The following ABCC9 variants were observed in gnomAD, a reference collection of about 807,000 sequenced individuals.
ABCC9 encodes the protein ATP binding cassette subfamily C member 9, also known as ATP-binding cassette sub-family C member 9.
Under a neutral mutation model 188.3 loss-of-function variants are expected in ABCC9, and 95 were observed. The ratio of observed to expected loss-of-function variants is 0.50; its 90% confidence interval spans 0.43 to 0.60. The LOEUF (loss-of-function observed/expected upper bound fraction) is 0.60. ABCC9 is among the 20% of genes least tolerant of loss of function. The pLI is 0.00. For synonymous variants in ABCC9, 659 were observed against 652.7 expected, an observed-to-expected ratio of 1.01 and a Z score of -0.15; for missense variants, 1,102 against 1,876.3, an observed-to-expected ratio of 0.59 and a Z score of 7.62.
intron 31 of ABCC9, among the ~76,000 whole-genome samples, chr12:21,824,829 G>A (rs1302641123): frequency 6.6e-6 from 1 of 152,162 alleles, no homozygotes; most frequent in African/African-American, 2.4e-5. Context: ...TGTGGGATTA[G>A]TGGTGATATC....
At chr12:21,823,438 T>C (rs1333042227) in intron 31 of ABCC9, among the ~76,000 whole-genome samples, 1 of 152,188 alleles carries the variant, frequency 6.6e-6, no homozygotes, top group Non-Finnish European at 1.5e-5. Flanking sequence ...AAGAATATAT[T>C]AGGGCCTTCA....
intron 12 of ABCC9, among the ~76,000 whole-genome samples, chr12:21,903,799 G>T (rs1947890965): frequency 1.3e-5 from 2 of 152,132 alleles, no homozygotes; most frequent in Non-Finnish European, 1.5e-5. Flanking sequence ...ACAAATGGAA[G>T]AACATTCCAT....
intron 22 of ABCC9, among the ~76,000 whole-genome samples, chr12:21,855,386 A>AT (rs1218226259): frequency 6.6e-6 from 1 of 151,822 alleles, no homozygotes; most frequent in East Asian, 1.9e-4. Context: ...CGCCCCGCTA[A>AT]TTTTTTTGTA....
chr12:21,891,670 T>C (rs1405623083), intron 14 of ABCC9, among the ~76,000 whole-genome samples: 1 of 152,214 alleles, frequency 6.6e-6, no homozygotes, highest in Non-Finnish European at 1.5e-5. Flanking sequence ...GTCTCTTACA[T>C]GCATGTATAG....
intron 2 of ABCC9, among the ~76,000 whole-genome samples, chr12:21,940,090 A>G (rs763019670): frequency 1.3e-5 from 2 of 152,238 alleles, no homozygotes; most frequent in Non-Finnish European, 2.9e-5. Context: ...TATTGTGGCC[A>G]GCCCTGTCCT....
At chr12:21,915,957 T>A in intron 6 of ABCC9, 47 bp from the exon 7 acceptor site, 4 of 1,566,640 alleles carry the variant, frequency 2.6e-6, no homozygotes, top group Non-Finnish European at 3.5e-6. Flanking sequence ...CCAATTATTT[T>A]CCACATATTA....
At chr12:21,806,090 C>G (rs538318117) in intron 38 of ABCC9, 30 bp from the exon 39 acceptor site, 1 of 1,589,864 alleles carries the variant, frequency 6.3e-7, no homozygotes, top group South Asian at 1.1e-5. Flanking sequence ...TAAATTTTCT[C>G]GGGATTACTT....
chr12:21,936,039 C>T (rs1008908816), intron 3 of ABCC9, among the ~76,000 whole-genome samples: 1 of 152,104 alleles, frequency 6.6e-6, no homozygotes, highest in African/African-American at 2.4e-5. Flanking sequence ...TCCAGTTCCC[C>T]AGACATGTCA....
intron 32 of ABCC9, among the ~76,000 whole-genome samples, chr12:21,817,584 T>C (rs369341522): frequency 1.3e-5 from 2 of 152,296 alleles, no homozygotes; most frequent in East Asian, 3.9e-4. Context: ...TGTTTGCACT[T>C]ATCTCATGTA....
intron 30 of ABCC9, among the ~76,000 whole-genome samples, chr12:21,834,298 T>G (rs1181571515): frequency 2.0e-5 from 3 of 152,198 alleles, no homozygotes; most frequent in Non-Finnish European, 4.4e-5. Flanking sequence ...TTCCTCTCCC[T>G]TAGTAGGAAG....
intron 22 of ABCC9, among the ~76,000 whole-genome samples, chr12:21,856,851 A>T (rs903076388): frequency 6.6e-6 from 1 of 152,188 alleles, no homozygotes; most frequent in South Asian, 2.1e-4. Context: ...AGAAAATACC[A>T]GAGAATCTTT....
At chr12:21,821,893 C>G (rs1419306099) in intron 31 of ABCC9, among the ~76,000 whole-genome samples, 1 of 152,012 alleles carries the variant, frequency 6.6e-6, no homozygotes, top group East Asian at 1.9e-4. Context: ...ATTTTCTGGG[C>G]CCCTTTCACG....
At chr12:21,846,628 A>T (rs1944686149) in intron 25 of ABCC9, among the ~76,000 whole-genome samples, 1 of 152,144 alleles carries the variant, frequency 6.6e-6, no homozygotes. Context: ...GAGAAGACTG[A>T]GCATCACCAA....
intron 16 of ABCC9, among the ~76,000 whole-genome samples, chr12:21,876,724 A>G (rs1175213010): frequency 6.6e-6 from 1 of 152,244 alleles, no homozygotes; most frequent in African/African-American, 2.4e-5. Flanking sequence ...AAAGGCTCCT[A>G]AAAATCAGGA....
rs1192635069 is a variant in ABCC9 at position 21,882,488 on chromosome 12, A to G, written c.2019+278T>C. 3.9e-5 allele frequency among the ~76,000 whole-genome samples: 6 copies of G among 152,222 alleles called. No homozygotes were observed. In the East Asian group the frequency reaches 9.6e-4, roughly 24 times the overall value. On this transcript the variant is annotated intron_variant, in intron 16 of 39. Transcript: ENST00000261200. ...TTATTTGGTTGATAAACATAGGAATACCAGAAAAAATACATGTGACACTAG... is the reference window on the plus strand; with the variant it reads ...TTATTTGGTTGATAAACATAGGAATGCCAGAAAAAATACATGTGACACTAG...
intron 4 of ABCC9, among the ~76,000 whole-genome samples, chr12:21,929,528 A>C (rs549700628): frequency 6.6e-6 from 1 of 152,058 alleles, no homozygotes; most frequent in Non-Finnish European, 1.5e-5. Flanking sequence ...TCTAATTGTA[A>C]TGAGCATTTG....
intron 4 of ABCC9, among the ~76,000 whole-genome samples, chr12:21,927,278 A>G (rs1260938006): frequency 6.6e-6 from 1 of 152,234 alleles, no homozygotes; most frequent in African/African-American, 2.4e-5. Flanking sequence ...AAACACTTGA[A>G]TAGGTAAGCG....
At chr12:21,876,077 A>C (rs571467599) in intron 16 of ABCC9, among the ~76,000 whole-genome samples, 1 of 152,278 alleles carries the variant, frequency 6.6e-6, no homozygotes, top group Non-Finnish European at 1.5e-5. Flanking sequence ...AATAAAATAA[A>C]AACTTGTAAG....
At chr12:21,914,547 T>G (rs1948454071) in intron 7 of ABCC9, among the ~76,000 whole-genome samples, 1 of 152,152 alleles carries the variant, frequency 6.6e-6, no homozygotes, top group Non-Finnish European at 1.5e-5. Context: ...GTTTTTAATT[T>G]CTCCAAAGTG....
Sources: gnomAD v4.1 joint callset for allele counts (sites outside exome capture counted in the v4.1 genomes callset) on GRCh38, gnomAD v4.1.1 for gene constraint, MANE v1.5 for transcripts, NCBI Gene and HGNC (gene_info 2026-07-23, HGNC 2026-07-21) for gene names.